Variants in ATP1A1 observed in about 807,000 individuals in gnomAD.
ATP1A1 encodes ATPase Na+/K+ transporting subunit alpha 1.
In ATP1A1, 14 loss-of-function variants were observed where a neutral mutation model predicts 114.8. That is an observed-to-expected ratio of 0.12 (90% CI 0.08 to 0.19). The LOEUF is 0.19. Ranked by LOEUF, ATP1A1 falls within the 10% of genes least tolerant of loss-of-function variation. The probability of loss-of-function intolerance (pLI) is 1.00; values close to 1 mark genes in which losing one functional copy is unlikely to be tolerated. For synonymous variants in ATP1A1, 471 were observed against 466.3 expected, an observed-to-expected ratio of 1.01 and a Z score of -0.13; for missense variants, 524 against 1,290.7, an observed-to-expected ratio of 0.41 and a Z score of 9.10.
At position 116,395,114 on chromosome 1, in the gene ATP1A1, C is replaced by T; in HGVS notation, c.1665C>T (p.Phe555=). Reference sequence around the variant, plus strand: ...AGGCTCCTGTCCTCCTCGCAGGTTTCTGCCACCTCTTTCTGCCAGATGAAC... The same window carrying T: ...AGGCTCCTGTCCTCCTCGCAGGTTTTTGCCACCTCTTTCTGCCAGATGAAC... ...LGGLGERVLG[F]CHLFLPDEQF... is the part of the protein sequence containing the mutation. The change falls in exon 13 of 23, where the codon TTC becomes TTT. Residue 555 remains phenylalanine, a synonymous_variant. Transcript: ENST00000295598. The surrounding 1 kb of genome is among the most constrained non-coding windows in gnomAD (Gnocchi z 6.4). The T allele has an allele frequency of 1.2e-6, 2 of 1,613,706 alleles. No homozygotes were observed. The highest frequency in any genetic ancestry group is 1.7e-6 in the Non-Finnish European group (2 of 1,179,768).
chr1:116,380,946 A>G (rs2101034217), intron 1 of ATP1A1, among the ~76,000 whole-genome samples: 1 of 152,070 alleles, frequency 6.6e-6, no homozygotes, highest in South Asian at 2.1e-4. Flanking sequence ...AAAAACCATA[A>G]CCCAACTTCA....
At position 116,387,486 on chromosome 1, in the gene ATP1A1, G is replaced by A. The variant is rs1193050533; in HGVS notation, c.382G>A (p.Asp128Asn). Residue 128 changes from aspartate to asparagine, a missense_variant, in exon 4 of 23, where the codon GAT becomes AAT. Transcript: ENST00000295598. The surrounding 1 kb of genome is among the most constrained non-coding windows in gnomAD (Gnocchi z 6.7). The stretch of plus-strand genomic sequence containing the variant: ...TGCTACAGAAGAGGAACCTCAAAAC[G>A]ATAATGTGAGTTCTGTAATTCAGCA... ...QAATEEEPQN[D>N]NLYLGVVLSA... 2 of 1,614,124 alleles carry A rather than the reference G, an allele frequency of 1.2e-6. No homozygotes were observed. Among genetic ancestry groups the A allele is most frequent in the Non-Finnish European group, 1.7e-6 (2 of 1,179,982 alleles).
At chr1:116,379,737 T>C (rs926257531) in intron 1 of ATP1A1, among the ~76,000 whole-genome samples, 3 of 152,204 alleles carry the variant, frequency 2.0e-5, no homozygotes, top group Non-Finnish European at 2.9e-5. Context: ...CTTTGTGTAG[T>C]GCTTTGAGAA....
rs1304004113 is a variant in ATP1A1, at chr1:116,374,064, C to T, written c.12+541C>T. ...GTTCCCGCCGCGGCCCCGGTTCCGG[C>T]GGGGGCAGCCTCCGGGTTCGGGGCT... On this transcript the variant is annotated intron_variant, in intron 1 of 22. Transcript: ENST00000295598. The T allele has an allele frequency of 1.0e-5, 14 of 1,405,556 alleles. No homozygotes were observed. The Admixed American group carries it at 2.9e-4, about 29-fold the overall frequency. The allele number at this position is 1,405,556 out of a possible 1,614,324, so 87.1% of individuals were successfully genotyped here.
In ATP1A1 at chr1:116,397,012, A is replaced by G. The variant is rs1652986142; in HGVS notation, c.1973+278A>G. Among the ~76,000 whole-genome samples, 1 of 152,232 alleles carries G rather than the reference A, an allele frequency of 6.6e-6. No homozygotes were observed. The highest frequency in any genetic ancestry group is 2.4e-5 in the African/African-American group (1 of 41,460). ...AGGTAAGGATTCAAGAGGCTTTTGA[A>G]GTACCTCAGAACTGGTGAAATCATG... is the stretch of plus-strand genomic sequence containing the variant. On this transcript the variant is annotated intron_variant, in intron 14 of 22. Coordinates refer to ENST00000295598, the MANE Select transcript of ATP1A1 (RefSeq NM_000701.8). The surrounding 1 kb of genome is among the most constrained non-coding windows in gnomAD (Gnocchi z 4.2).
chr1:116,404,597 A>C lies in ATP1A1; in HGVS notation c.*153A>C. On this transcript the variant is annotated 3_prime_UTR_variant, in exon 23 of 23. Coordinates refer to ENST00000295598, the MANE Select transcript of ATP1A1 (RefSeq NM_000701.8). This position sits in a 1 kb window ranked among gnomAD's most constrained non-coding sequence, Gnocchi z 4.8. The stretch of plus-strand genomic sequence containing the variant: ...GAAGCAAGACGTCCTGGAATGAAGC[A>C]TGTAGCTCTATGGGGGGAGGGGGGA... 37 of 1,263,064 alleles carry C rather than the reference A, an allele frequency of 2.9e-5. No homozygotes were observed. The highest frequency in any genetic ancestry group is 2.3e-4 in the East Asian group (6 of 25,710). 78.2% of individuals were successfully genotyped at this position (1,263,064 alleles called of 1,614,324 possible).
At position 116,393,951 on chromosome 1, in the gene ATP1A1, G is replaced by A. The variant is rs1652690575; in HGVS notation, c.1660+228G>A. Among the ~76,000 whole-genome samples, 1 of 152,056 alleles carries A rather than the reference G, an allele frequency of 6.6e-6. No individual in the cohort carries two copies. On this transcript the variant is annotated intron_variant, in intron 12 of 22. Transcript: ENST00000295598. The surrounding 1 kb of genome is among the most constrained non-coding windows in gnomAD (Gnocchi z 5.0). ...GGCTGTGAGAAACAACGTCCTGATG[G>A]TTTGCTTCTGACTTGTACTTAGACC...
chr1:116,391,319 G>A (rs1231718539), intron 10 of ATP1A1, among the ~76,000 whole-genome samples: 4 of 152,120 alleles, frequency 2.6e-5, no homozygotes, highest in African/African-American at 9.7e-5. Context: ...ACTCCTTTAA[G>A]CCATTTATTT....
At position 116,388,468 on chromosome 1, in the gene ATP1A1, A is replaced by C. The variant is rs1306523734; in HGVS notation, c.502-170A>C. ...TACAGGCACACCATGTAACAGCAAT[A>C]TCTCTTAAACTGGCGAGCAAGCTTT... On this transcript the variant is annotated intron_variant, in intron 5 of 22. Transcript: ENST00000295598. The surrounding 1 kb of genome is among the most constrained non-coding windows in gnomAD (Gnocchi z 5.6). 5 of 1,037,384 alleles carry C rather than the reference A, an allele frequency of 4.8e-6. No homozygotes were observed. The highest frequency in any genetic ancestry group is 3.3e-5 in the South Asian group (2 of 60,198). The allele number at this position is 1,037,384 out of a possible 1,614,324, so 64.3% of individuals were successfully genotyped here.
Position 116,401,353 on chromosome 1 carries a change from T to G in ATP1A1, c.2849+93T>G. ...CCAAAAACTAAACATATGACACATA[T>G]AGCCAGGTTTCTGGAATCTCTAGTT... is the stretch of plus-strand genomic sequence containing the variant. On this transcript the variant is annotated intron_variant, in intron 20 of 22. Coordinates refer to ENST00000295598, the MANE Select transcript of ATP1A1 (RefSeq NM_000701.8). The surrounding 1 kb of genome is among the most constrained non-coding windows in gnomAD (Gnocchi z 4.7). 6.3e-7 allele frequency: 1 copy of G among 1,578,964 alleles called. No homozygotes were observed. The highest frequency in any genetic ancestry group is 2.3e-5 in the East Asian group (1 of 44,418).
At position 116,381,037 on chromosome 1, in the gene ATP1A1, G is replaced by A. The variant is rs1030481921; in HGVS notation, c.13-2977G>A. The stretch of plus-strand genomic sequence containing the variant: ...TTTCCTCAGAGATGCTCAAAGGGGC[G>A]GGGGTGCCCTTACATGGAACATGAT... On this transcript the variant is annotated intron_variant, in intron 1 of 22. Coordinates refer to ENST00000295598, the MANE Select transcript of ATP1A1 (RefSeq NM_000701.8). The surrounding 1 kb of genome is among the most constrained non-coding windows in gnomAD (Gnocchi z 5.1). Among the ~76,000 whole-genome samples, 4 of 152,118 alleles carry A rather than the reference G, an allele frequency of 2.6e-5. No individual in the cohort carries two copies. The highest frequency in any genetic ancestry group is 5.9e-5 in the Non-Finnish European group (4 of 68,022).
chr1:116,374,078 G>A, intron 1 of ATP1A1: 3 of 1,416,378 alleles, frequency 2.1e-6, no homozygotes, highest in East Asian at 2.7e-5. Flanking sequence ...GGCAGCCTCC[G>A]GGTTCGGGGC....
chr1:116,384,940 A>G lies in ATP1A1; in HGVS notation c.183+98A>G, dbSNP rs1327807333. 8.7e-7 allele frequency: 1 copy of G among 1,145,374 alleles called. No individual in the cohort carries two copies. The highest frequency in any genetic ancestry group is 1.3e-6 in the Non-Finnish European group (1 of 765,724). The allele number at this position is 1,145,374 out of a possible 1,614,324, so 71.0% of individuals were successfully genotyped here. A position where few individuals can be genotyped will look rare whatever the true frequency, so the allele number is the denominator to read the frequency against. On this transcript the variant is annotated intron_variant, in intron 3 of 22. Transcript: ENST00000295598. This position sits in a 1 kb window ranked among gnomAD's most constrained non-coding sequence, Gnocchi z 5.1. Reference sequence around the variant, plus strand: ...AGGTCTAACCTCAGGGGCTCTAGTAAGAAAATGACAGACACCATCTGCGTA... The same window carrying G: ...AGGTCTAACCTCAGGGGCTCTAGTAGGAAAATGACAGACACCATCTGCGTA...
In ATP1A1 at chr1:116,393,162, A is replaced by G; in HGVS notation, c.1467+174A>G. 9.9e-7 allele frequency: 1 copy of G among 1,009,044 alleles called. No individual in the cohort carries two copies. Among genetic ancestry groups the G allele is most frequent in the Non-Finnish European group, 1.4e-6 (1 of 709,652 alleles). 62.5% of individuals were successfully genotyped at this position (1,009,044 alleles called of 1,614,324 possible). On this transcript the variant is annotated intron_variant, in intron 11 of 22. Coordinates refer to ENST00000295598, the MANE Select transcript of ATP1A1 (RefSeq NM_000701.8). This position sits in a 1 kb window ranked among gnomAD's most constrained non-coding sequence, Gnocchi z 5.0. The stretch of plus-strand genomic sequence containing the variant: ...ATTTAGTTGAATATCAGCAGGATAA[A>G]TGAAGCCTCTTGCAAAACACTGTTG...
rs908623296 is a variant in ATP1A1 at position 116,393,284 on chromosome 1, G to A, written c.1468-247G>A. On this transcript the variant is annotated intron_variant, in intron 11 of 22. Transcript: ENST00000295598. The surrounding 1 kb of genome is among the most constrained non-coding windows in gnomAD (Gnocchi z 5.0). ...AAGTGTTCCCCAATCCCTGTGTTCT[G>A]AAATTTCGTATGTTCTTTTTTAATG... Among the ~76,000 whole-genome samples the A allele has an allele frequency of 6.6e-6, 1 of 151,978 alleles. No individual in the cohort carries two copies. Among genetic ancestry groups the A allele is most frequent in the African/African-American group, 2.4e-5 (1 of 41,364 alleles).
chr1:116,390,434 C>G, intron 9 of ATP1A1, 23 bp downstream of exon 9: 1 of 1,594,204 alleles, frequency 6.3e-7, no homozygotes, highest in Non-Finnish European at 8.6e-7. Context: ...TTACCACACA[C>G]CTCAGCCACC....
chr1:116,393,555 A>C lies in ATP1A1; in HGVS notation c.1492A>C (p.Thr498Pro). 1 of 1,613,942 alleles carries C rather than the reference A, an allele frequency of 6.2e-7. No homozygotes were observed. Among genetic ancestry groups the C allele is most frequent in the Non-Finnish European group, 8.5e-7 (1 of 1,179,902 alleles). ...YQLSIHKNPNTSEPQHLLVMK... is the reference protein window; with the variant it reads ...YQLSIHKNPNPSEPQHLLVMK... ...GTTGTCTATTCATAAGAACCCCAAC[A>C]CATCGGAGCCCCAACACCTGTTGGT... is the stretch of plus-strand genomic sequence containing the variant. Residue 498 changes from threonine (T) to proline (P), a missense_variant, in exon 12 of 23, where the codon ACA (threonine) becomes CCA (proline). Thr to Pro is a conservative substitution (Grantham distance 38, BLOSUM62 -1). This residue lies in a region of ATP1A1 where 143 missense variants were observed against 259.3 expected (regional missense o/e 0.55). Coordinates refer to ENST00000295598, the MANE Select transcript of ATP1A1 (RefSeq NM_000701.8). The surrounding 1 kb of genome is among the most constrained non-coding windows in gnomAD (Gnocchi z 5.0).
Position 116,385,176 on chromosome 1 carries a change from G to C in ATP1A1, c.183+334G>C, listed in dbSNP as rs1652003700. On this transcript the variant is annotated intron_variant, in intron 3 of 22. Coordinates refer to ENST00000295598, the MANE Select transcript of ATP1A1 (RefSeq NM_000701.8). This position sits in a 1 kb window ranked among gnomAD's most constrained non-coding sequence, Gnocchi z 4.3. ...ATTTTCCCTTTATTTTTCTACATTTGTTAAATAGAGTTGAATCTTTCACCT... is the reference window on the plus strand; with the variant it reads ...ATTTTCCCTTTATTTTTCTACATTTCTTAAATAGAGTTGAATCTTTCACCT... 2 of 278,130 alleles carry C rather than the reference G, an allele frequency of 7.2e-6. No homozygotes were observed. Among genetic ancestry groups the C allele is most frequent in the South Asian group, 3.8e-5 (1 of 26,292 alleles). 17.2% of individuals were successfully genotyped at this position (278,130 alleles called of 1,614,324 possible).
At position 116,387,131 on chromosome 1, in the gene ATP1A1, T is replaced by C. The variant is rs1652154298; in HGVS notation, c.184-157T>C. Among the ~76,000 whole-genome samples the C allele has an allele frequency of 1.3e-5, 2 of 152,238 alleles. No individual in the cohort carries two copies. The highest frequency in any genetic ancestry group is 4.1e-4 in the South Asian group (2 of 4,834). ...GGGGACTGGCTCATCAGCAGAATTATTCATGGAGGAATTTGCTAGGTTTTA... is the reference window on the plus strand; with the variant it reads ...GGGGACTGGCTCATCAGCAGAATTACTCATGGAGGAATTTGCTAGGTTTTA... On this transcript the variant is annotated intron_variant, in intron 3 of 22. Transcript: ENST00000295598. This position sits in a 1 kb window ranked among gnomAD's most constrained non-coding sequence, Gnocchi z 6.7.
Sources: gnomAD v4.1 joint callset for allele counts (sites outside exome capture counted in the v4.1 genomes callset) on GRCh38, gnomAD v4.1.1 for gene constraint, gnomAD v4.1.1 regional missense constraint, Gnocchi (gnomAD v3.1) non-coding constraint, MANE v1.5 for transcripts, NCBI Gene and HGNC (gene_info 2026-07-23, HGNC 2026-07-21) for gene names.